NCKAP1: variants seen among roughly 807,000 people sequenced by gnomAD.
NCKAP1 encodes the protein NCK associated protein 1, also known as nck-associated protein 1.
A neutral mutation model predicts 151.2 loss-of-function variants in NCKAP1; 21 were observed. That is an observed-to-expected ratio of 0.14 (90% CI 0.10 to 0.20). The LOEUF is 0.20. Among genes scored for constraint, NCKAP1 ranks in the 10% least tolerant of loss-of-function variants. The pLI is 1.00. For missense variants in NCKAP1, 933 were observed against 1,352.1 expected, an observed-to-expected ratio of 0.69 and a Z score of 4.86; for synonymous variants, 484 against 451.8, an observed-to-expected ratio of 1.07 and a Z score of -0.90.
intron 17 of NCKAP1, among the ~76,000 whole-genome samples, chr2:182,964,199 A>G (rs1027839074): frequency 6.6e-6 from 1 of 152,184 alleles, no homozygotes; most frequent in Non-Finnish European, 1.5e-5. Flanking sequence ...GTGTGTGTGT[A>G]TGCACATGCA....
Position 182,960,218 on chromosome 2 carries a change from T to C in NCKAP1, c.1881+1941A>G, listed in dbSNP as rs1377327988. Among the ~76,000 whole-genome samples, 6 of 152,084 alleles carry C rather than the reference T, an allele frequency of 3.9e-5. No homozygotes were observed. The East Asian group carries it at 9.7e-4, about 24-fold the overall frequency. On this transcript the variant is annotated intron_variant, in intron 18 of 30. Coordinates refer to ENST00000361354, the MANE Select transcript of NCKAP1 (RefSeq NM_013436.5). ...GCTACCAATGACTTTCTTCACAGAA[T>C]TGGAAAAAACTACTTTAAAGTTCAT... is the stretch of plus-strand genomic sequence containing the variant.
In NCKAP1 at chr2:183,026,610, T is replaced by C. The variant is rs193136410; in HGVS notation, c.109-2694A>G. On this transcript the variant is annotated intron_variant, in intron 1 of 30. Coordinates refer to ENST00000361354, the MANE Select transcript of NCKAP1 (RefSeq NM_013436.5). ...TCTAACATACTTAATTGGGAGGCAG[T>C]ATGTCTCAAAGGTTAAAAACAAATA... Among the ~76,000 whole-genome samples, 12 of 152,216 alleles carry C rather than the reference T, an allele frequency of 7.9e-5. No homozygotes were observed. In the East Asian group the frequency reaches 1.5e-3, roughly 20 times the overall value.
chr2:182,912,052 C>T lies in NCKAP1; in HGVS notation c.*13650G>A, dbSNP rs1382165763. On this transcript the variant is annotated 3_prime_UTR_variant, in exon 31 of 31. Transcript: ENST00000361354. ...CTTATGTCCAGCTGAGTAGTTATATCAATCACATCATGAAAAATTCCTTTT... is the reference window on the plus strand; with the variant it reads ...CTTATGTCCAGCTGAGTAGTTATATTAATCACATCATGAAAAATTCCTTTT... 6.6e-6 allele frequency: 1 copy of T among 152,108 alleles called. No individual in the cohort carries two copies. Among genetic ancestry groups the T allele is most frequent in the Non-Finnish European group, 1.5e-5 (1 of 68,010 alleles). 9.4% of individuals were successfully genotyped at this position (152,108 alleles called of 1,614,324 possible). A position where few individuals can be genotyped will look rare whatever the true frequency, so the allele number is the denominator to read the frequency against.
At position 182,925,189 on chromosome 2, in the gene NCKAP1, C is replaced by T. The variant is rs968474150; in HGVS notation, c.*513G>A. ...TTCTTTAACATTTTTAAATGTTATA[C>T]AGTGTTACAGTATTTAGTTTGGCAA... On this transcript the variant is annotated 3_prime_UTR_variant, in exon 31 of 31. Coordinates refer to ENST00000361354, the MANE Select transcript of NCKAP1 (RefSeq NM_013436.5). 1 of 152,078 alleles carries T rather than the reference C, an allele frequency of 6.6e-6. No homozygotes were observed. The highest frequency in any genetic ancestry group is 1.5e-5 in the Non-Finnish European group (1 of 67,962). 9.4% of individuals were successfully genotyped at this position (152,078 alleles called of 1,614,324 possible). A position where few individuals can be genotyped will look rare whatever the true frequency, so the allele number is the denominator to read the frequency against.
chr2:182,955,375 T>C (rs1197036061), intron 20 of NCKAP1, among the ~76,000 whole-genome samples: 2 of 152,072 alleles, frequency 1.3e-5, no homozygotes, highest in Non-Finnish European at 2.9e-5. Flanking sequence ...AAGAAAAAAA[T>C]TGTCAAATAA....
chr2:182,984,566 T>TGTGTGTGTGTGTGTGTGTGTGTGTGTG (rs1324069144), intron 10 of NCKAP1, among the ~76,000 whole-genome samples: 3 of 151,608 alleles, frequency 2.0e-5, no homozygotes, highest in Non-Finnish European at 3.0e-5. Flanking sequence ...CTACATGACC[T>TGTGTGTGTGTGTGTGTGTGTGTGTGTG]TAGGTTCCAA....
intron 15 of NCKAP1, among the ~76,000 whole-genome samples, chr2:182,974,236 T>C (rs1170238901): frequency 6.7e-6 from 1 of 149,596 alleles, no homozygotes; most frequent in East Asian, 2.0e-4. Flanking sequence ...TTCCTTCCTT[T>C]GTATGCATTG....
In NCKAP1 at chr2:182,927,873, G is replaced by A. The variant is rs562080567; in HGVS notation, c.3180+244C>T. 1.5e-4 allele frequency among the ~76,000 whole-genome samples: 23 copies of A among 151,808 alleles called. No individual in the cohort carries two copies. The East Asian group carries it at 3.9e-3, about 26-fold the overall frequency. Reference sequence around the variant, plus strand: ...GACTTCCGAGTCTAAGGGAAATAACGGACGGCTCCTCGATTTTAATGCCCC... The same window carrying A: ...GACTTCCGAGTCTAAGGGAAATAACAGACGGCTCCTCGATTTTAATGCCCC... On this transcript the variant is annotated intron_variant, in intron 29 of 30. Transcript: ENST00000361354.
chr2:182,960,583 A>C (rs1052141293), intron 18 of NCKAP1, among the ~76,000 whole-genome samples: 6 of 152,228 alleles, frequency 3.9e-5, no homozygotes, highest in African/African-American at 1.4e-4. Flanking sequence ...AAGTTAATTC[A>C]AGATGGATTA....
intron 20 of NCKAP1, among the ~76,000 whole-genome samples, chr2:182,954,860 T>C (rs1345525247): frequency 6.6e-6 from 1 of 152,046 alleles, no homozygotes; most frequent in Non-Finnish European, 1.5e-5. Flanking sequence ...CTTGCCTTGA[T>C]CCTAATCACT....
At chr2:183,019,709 C>T (rs977758717) in intron 2 of NCKAP1, among the ~76,000 whole-genome samples, 1 of 152,178 alleles carries the variant, frequency 6.6e-6, no homozygotes, top group African/African-American at 2.4e-5. Context: ...TAACAAGTGG[C>T]TGCTATAATT....
At chr2:182,995,068 AAAC>A (rs1472064560) in intron 7 of NCKAP1, among the ~76,000 whole-genome samples, 181 bp from the exon 8 acceptor site, 1 of 152,230 alleles carries the variant, frequency 6.6e-6, no homozygotes, top group East Asian at 1.9e-4. Context: ...TGCAGTCAAT[AAAC>A]AACGAGAGGT....
At chr2:183,029,457 T>C (rs568748996) in intron 1 of NCKAP1, among the ~76,000 whole-genome samples, 70 of 150,204 alleles carry the variant, frequency 4.7e-4, no homozygotes, top group South Asian at 4.6e-3. Context: ...CTTACCATGA[T>C]GCCAAAAAAA....
intron 2 of NCKAP1, among the ~76,000 whole-genome samples, chr2:183,004,507 A>C (rs1319956891): frequency 6.8e-6 from 1 of 148,128 alleles, no homozygotes; most frequent in Non-Finnish European, 1.5e-5. Context: ...AAAAAAAAAA[A>C]CAGCAAGCAC....
chr2:182,992,473 C>A (rs975728446), intron 8 of NCKAP1, among the ~76,000 whole-genome samples: 2 of 152,132 alleles, frequency 1.3e-5, no homozygotes, highest in African/African-American at 4.8e-5. Flanking sequence ...GAAGCAAAAT[C>A]CAGAAGTCAC....
chr2:182,994,156 C>T (rs1346732387), intron 8 of NCKAP1, among the ~76,000 whole-genome samples: 1 of 152,084 alleles, frequency 6.6e-6, no homozygotes, highest in Admixed American at 6.5e-5. Flanking sequence ...TGAATTAAAA[C>T]CAAAAACTTT....
intron 24 of NCKAP1, among the ~76,000 whole-genome samples, chr2:182,937,392 A>G (rs13021649): frequency 0.94 from 143,671 of 152,150 alleles, 67,948 homozygotes; most frequent in East Asian, 0.99. Flanking sequence ...CCCACATAAC[A>G]TCCACTAACT....
At chr2:182,970,485 G>GA (rs1697664400) in intron 15 of NCKAP1, among the ~76,000 whole-genome samples, 1 of 152,112 alleles carries the variant, frequency 6.6e-6, no homozygotes, top group Non-Finnish European at 1.5e-5. Context: ...AATAGATGCT[G>GA]AAAATGCATT....
At chr2:183,020,481 G>GA (rs66675111) in intron 2 of NCKAP1, among the ~76,000 whole-genome samples, 3 of 136,260 alleles carry the variant, frequency 2.2e-5, no homozygotes, top group Non-Finnish European at 3.1e-5. Context: ...AAAAAAAAAA[G>GA]AAAAAAAAGA....
Sources: gnomAD v4.1 joint callset for allele counts (sites outside exome capture counted in the v4.1 genomes callset) on GRCh38, gnomAD v4.1.1 for gene constraint, MANE v1.5 for transcripts, NCBI Gene and HGNC (gene_info 2026-07-23, HGNC 2026-07-21) for gene names.